The following SLC39A14 variants were observed in gnomAD, a reference collection of about 807,000 sequenced individuals.
SLC39A14 encodes the protein metal cation symporter ZIP14.
In SLC39A14, 19 loss-of-function variants were observed where a neutral mutation model predicts 45.5. That is an observed-to-expected ratio of 0.42 (90% CI 0.29 to 0.61). The LOEUF is 0.61. Among genes scored for constraint, SLC39A14 ranks in the 20% least tolerant of loss-of-function variants. SLC39A14 has a pLI of 0.22. For synonymous variants in SLC39A14, 264 were observed against 251.3 expected (o/e 1.05, Z -0.48); for missense variants, 447 against 616.5 (o/e 0.73, Z 2.91).
At chr8:22,399,499 G>A (rs4872488) in intron 1 of SLC39A14, among the ~76,000 whole-genome samples, 81,292 of 152,064 alleles carry the variant, frequency 0.53, 22,983 homozygotes, top group East Asian at 0.76. Flanking sequence ...GCCAGGCAGG[G>A]GGGCTGTGCT....
In SLC39A14 at chr8:22,408,414, G is replaced by A. The variant is rs775381592; in HGVS notation, c.375G>A (p.Leu125=). The A allele has an allele frequency of 6.2e-7, 1 of 1,614,220 alleles. No individual in the cohort carries two copies. ...QEFCPTILQQ[L]DSRACTSENQ... ...TCTGCCCCACCATCCTCCAGCAGCT[G>A]GATTCCCGGGCCTGCACCTCGGAGA... is the stretch of plus-strand genomic sequence containing the variant. Residue 125 remains leucine (L), a synonymous_variant, in exon 3 of 9, where the codon CTG becomes CTA. Coordinates refer to ENST00000381237, the MANE Select transcript of SLC39A14 (RefSeq NM_001128431.4).
Position 22,420,234 on chromosome 8 carries a change from A to G in SLC39A14, c.*536A>G. 1.0e-6 allele frequency: 1 copy of G among 985,760 alleles called. No homozygotes were observed. Among genetic ancestry groups the G allele is most frequent in the South Asian group, 4.7e-5 (1 of 21,304 alleles). 61.1% of individuals were successfully genotyped at this position (985,760 alleles called of 1,614,324 possible). On this transcript the variant is annotated 3_prime_UTR_variant, in exon 9 of 9. Coordinates refer to ENST00000381237, the MANE Select transcript of SLC39A14 (RefSeq NM_001128431.4). ...TTGCCTATTACTTCTCTCAAAGAGA[A>G]CCTGAAGTCAGAACACATGAGCAGG...
In SLC39A14 at chr8:22,395,913, C is replaced by T. The variant is rs555562283; in HGVS notation, c.-15-8783C>T. 1.9e-4 allele frequency among the ~76,000 whole-genome samples: 29 copies of T among 152,292 alleles called. 1 individual carries two copies. The highest frequency in any genetic ancestry group is 1.6e-3 in the Admixed American group (24 of 15,302). Reference sequence around the variant, plus strand: ...CCAGGTTTGTCCCCACCTCTCAGCTCCAGGAGTGCTAAGGACTGGGTATTT... The same window carrying T: ...CCAGGTTTGTCCCCACCTCTCAGCTTCAGGAGTGCTAAGGACTGGGTATTT... On this transcript the variant is annotated intron_variant, in intron 1 of 8. Transcript: ENST00000381237.
chr8:22,409,905 C>A, intron 3 of SLC39A14: 1 of 1,609,478 alleles, frequency 6.2e-7, no homozygotes, highest in South Asian at 1.1e-5. Context: ...TGTCCCCACC[C>A]TCAGTAATAG....
intron 8 of SLC39A14, 36 bp downstream of exon 8, chr8:22,417,871 C>G (rs561609541): frequency 1.3e-6 from 2 of 1,568,240 alleles, no homozygotes; most frequent in South Asian, 2.3e-5. Flanking sequence ...GAGAGGGCGG[C>G]TAAGGGGATG....
intron 1 of SLC39A14, among the ~76,000 whole-genome samples, chr8:22,392,429 T>C (rs1834127877): frequency 6.6e-6 from 1 of 152,108 alleles, no homozygotes. Flanking sequence ...CACTAGATCA[T>C]TCTTTCTATT....
downstream of SLC39A14, among the ~76,000 whole-genome samples, chr8:22,423,786 T>TTCTCTCTCTCTCTCTCTCTCTCTCTCTC (rs58420252): frequency 0.036 from 4,399 of 121,774 alleles, 367 homozygotes; most frequent in East Asian, 0.064. Context: ...TTTAATTGGT[T>TTCTCTCTCTCTCTCTCTCTCTCTCTCTC]TCTCTCTCTC....
intron 1 of SLC39A14, among the ~76,000 whole-genome samples, chr8:22,387,385 G>A (rs150986892): frequency 7.8e-4 from 119 of 152,232 alleles, no homozygotes; most frequent in African/African-American, 2.6e-3. Flanking sequence ...AAGCAGAAAC[G>A]CTTTGTGGCA....
rs555918439 is a variant in SLC39A14, at chr8:22,429,460, G to T, written c.1333-4431G>T. On this transcript the variant is annotated intron_variant, in intron 8 of 8. Transcript: ENST00000240095. Reference sequence around the variant, plus strand: ...AAGGTAGGTATAAGTATAATGAGAAGTAAATATGCAAAATGTTTTAGAAAT... The same window carrying T: ...AAGGTAGGTATAAGTATAATGAGAATTAAATATGCAAAATGTTTTAGAAAT... 2.6e-5 allele frequency among the ~76,000 whole-genome samples: 4 copies of T among 152,296 alleles called. No individual in the cohort carries two copies. In the East Asian group the frequency reaches 7.7e-4, roughly 29 times the overall value.
intron 1 of SLC39A14, among the ~76,000 whole-genome samples, chr8:22,382,799 C>T (rs958008957): frequency 2.6e-5 from 4 of 152,166 alleles, no homozygotes; most frequent in Non-Finnish European, 5.9e-5. Flanking sequence ...ACCATAGCCT[C>T]CGCCTCCCAG....
chr8:22,380,284 G>A (rs917870676), intron 1 of SLC39A14, among the ~76,000 whole-genome samples: 4 of 152,182 alleles, frequency 2.6e-5, no homozygotes, highest in Admixed American at 2.0e-4. Flanking sequence ...AGGATGGGCA[G>A]GGGACAGATT....
intron 7 of SLC39A14, among the ~76,000 whole-genome samples, chr8:22,416,485 T>G (rs1422098732): frequency 6.6e-6 from 1 of 152,050 alleles, no homozygotes; most frequent in Non-Finnish European, 1.5e-5. Flanking sequence ...AGTGCAGTGA[T>G]GTGATCTCGG....
intron 1 of SLC39A14, among the ~76,000 whole-genome samples, chr8:22,379,771 A>C (rs545124860): frequency 1.3e-4 from 20 of 152,140 alleles, no homozygotes; most frequent in Non-Finnish European, 2.4e-4. Flanking sequence ...TGTACTAAAA[A>C]TACAAAAATT....
chr8:22,412,153 G>A lies in SLC39A14; in HGVS notation c.574G>A (p.Ala192Thr). 6.4e-7 allele frequency: 1 copy of A among 1,551,736 alleles called. No homozygotes were observed. The highest frequency in any genetic ancestry group is 8.7e-7 in the Non-Finnish European group (1 of 1,146,994). ...CAAGAGGCTGCTGCTCTACTTCATA[G>A]CTCTGGCGATTGGAACCCTCTACTC... The part of the protein sequence containing the change: ...FYKRLLLYFI[A>T]LAIGTLYSNA... The change falls in exon 4 of 9, where the codon GCT becomes ACT. Residue 192 changes from alanine to threonine, a missense_variant. Physicochemically the swap from Ala to Thr is moderately conservative, Grantham distance 58 (BLOSUM62 0). Transcript: ENST00000381237.
chr8:22,430,064 C>T (rs1347268152), intron 8 of SLC39A14, among the ~76,000 whole-genome samples: 1 of 152,188 alleles, frequency 6.6e-6, no homozygotes, highest in African/African-American at 2.4e-5. Flanking sequence ...CTGCAGCAGA[C>T]ATGAGGGAAG....
intron 2 of SLC39A14, among the ~76,000 whole-genome samples, chr8:22,406,419 C>T (rs181223756): frequency 2.6e-5 from 4 of 151,972 alleles, no homozygotes; most frequent in Non-Finnish European, 5.9e-5. Context: ...CGGGGCCGGG[C>T]GCGGTGGCTG....
chr8:22,419,439 C>T, intron 8 of SLC39A14, 113 bp from the exon 9 acceptor site: 1 of 1,019,754 alleles, frequency 9.8e-7, no homozygotes, highest in Non-Finnish European at 1.5e-6. Context: ...TGCACCTGGC[C>T]CTGATAATTT....
intron 1 of SLC39A14, among the ~76,000 whole-genome samples, chr8:22,372,033 T>C (rs1404885818): frequency 6.6e-6 from 1 of 152,106 alleles, no homozygotes; most frequent in Non-Finnish European, 1.5e-5. Context: ...GTGAGCCACT[T>C]GCACCCGGCC....
chr8:22,428,329 G>T (rs947151246), intron 8 of SLC39A14, among the ~76,000 whole-genome samples: 1 of 151,598 alleles, frequency 6.6e-6, no homozygotes, highest in African/African-American at 2.4e-5. Context: ...TCTAAACAGA[G>T]ATCTCAATAT....
Sources: gnomAD v4.1 joint callset for allele counts (sites outside exome capture counted in the v4.1 genomes callset) on GRCh38, gnomAD v4.1.1 for gene constraint, MANE v1.5 for transcripts, NCBI Gene and HGNC (gene_info 2026-07-23, HGNC 2026-07-21) for gene names.